MINDY2: variants seen among roughly 807,000 people sequenced by gnomAD.
MINDY2 encodes the protein MINDY lysine 48 deubiquitinase 2.
Under a neutral mutation model 68.2 loss-of-function variants are expected in MINDY2, and 52 were observed. That is an observed-to-expected ratio of 0.76 (90% confidence interval 0.61 to 0.96). The LOEUF is 0.96. Among genes scored for constraint, MINDY2 ranks in the 40% least tolerant of loss-of-function variants. The pLI, the probability that MINDY2 is intolerant of heterozygous loss-of-function variation, is 0.00. For missense variants in MINDY2, 881 were observed against 773.4 expected, an observed-to-expected ratio of 1.14 and a Z score of -1.65; for synonymous variants, 372 against 303.0, an observed-to-expected ratio of 1.23 and a Z score of -2.36.
At chr15:58,823,723 A>T (rs618684) in intron 5 of MINDY2, among the ~76,000 whole-genome samples, 10 of 151,808 alleles carry the variant, frequency 6.6e-5, no homozygotes, top group African/African-American at 2.4e-4. Context: ...TCATTGATTC[A>T]TCTGACAACT....
intron 1 of MINDY2, among the ~76,000 whole-genome samples, chr15:58,782,911 GTTTTTTTTTTT>G (rs1157376592): frequency 1.1e-4 from 7 of 64,496 alleles, no homozygotes; most frequent in East Asian, 8.1e-4. Context: ...TTTTCTCTCT[GTTTTTTTTTTT>G]TTTTTTTTTT....
intron 2 of MINDY2, among the ~76,000 whole-genome samples, chr15:58,800,302 C>T (rs1299952032): frequency 1.3e-5 from 2 of 152,100 alleles, no homozygotes; most frequent in African/African-American, 4.8e-5. Flanking sequence ...ACCTGATTTA[C>T]CTGCAAACTG....
At chr15:58,829,685 T>C (rs982611467) in intron 5 of MINDY2, among the ~76,000 whole-genome samples, 14 of 152,174 alleles carry the variant, frequency 9.2e-5, no homozygotes, top group Non-Finnish European at 1.6e-4. Flanking sequence ...CAGACGGCAG[T>C]GGTACTTTTC....
At chr15:58,827,829 T>A (rs1234241291) in intron 5 of MINDY2, among the ~76,000 whole-genome samples, 1 of 152,222 alleles carries the variant, frequency 6.6e-6, no homozygotes, top group African/African-American at 2.4e-5. Context: ...GCCAGTGGGA[T>A]GCCCTCAAGT....
intron 6 of MINDY2, among the ~76,000 whole-genome samples, chr15:58,845,493 G>A (rs2032486649): frequency 6.6e-6 from 1 of 152,176 alleles, no homozygotes; most frequent in South Asian, 2.1e-4. Flanking sequence ...TCAAAACTAT[G>A]AGATATCATC....
At chr15:58,783,353 A>C (rs1383169648) in intron 1 of MINDY2, among the ~76,000 whole-genome samples, 1 of 152,176 alleles carries the variant, frequency 6.6e-6, no homozygotes, top group Non-Finnish European at 1.5e-5. Context: ...TTGGTATTCT[A>C]ATTGTTAAGC....
chr15:58,833,566 G>T (rs2031848201), intron 6 of MINDY2, among the ~76,000 whole-genome samples: 1 of 152,184 alleles, frequency 6.6e-6, no homozygotes, highest in Non-Finnish European at 1.5e-5. Flanking sequence ...TAATAGTGCA[G>T]AGAAGGTCAG....
intron 7 of MINDY2, among the ~76,000 whole-genome samples, chr15:58,850,991 C>T (rs1193004466): frequency 2.0e-5 from 3 of 149,746 alleles, no homozygotes; most frequent in African/African-American, 7.4e-5. Flanking sequence ...GTTTTTTTTT[C>T]ACGACTGAGT....
In MINDY2 at chr15:58,808,338, G is replaced by C. The variant is rs528617938; in HGVS notation, c.964-1892G>C. On this transcript the variant is annotated intron_variant, in intron 3 of 8. Transcript: ENST00000559228. ...CAGTATCATACAGAATAGTTTCACT[G>C]TCCTAAAAGTTCTCTGTACTCTGCC... 6.6e-5 allele frequency among the ~76,000 whole-genome samples: 10 copies of C among 152,174 alleles called. No individual in the cohort carries two copies. The East Asian group carries it at 1.9e-3, about 29-fold the overall frequency.
chr15:58,772,009 A>G lies in MINDY2; in HGVS notation c.614A>G (p.Glu205Gly). 1 of 1,594,794 alleles carries G rather than the reference A, an allele frequency of 6.3e-7. No homozygotes were observed. Among genetic ancestry groups the G allele is most frequent in the Admixed American group, 1.7e-5 (1 of 57,350 alleles). The change falls in exon 1 of 9, where the codon GAG (glutamate) becomes GGG (glycine). Residue 205 changes from glutamate (E) to glycine (G), a missense_variant. Coordinates refer to ENST00000559228, the MANE Select transcript of MINDY2 (RefSeq NM_001040450.3). ...GCGGAGAACAGGGTCCCTGAGGAGG[A>G]GGAGGGCGCGGCGGTGTTGCCCGGG... ...EGAENRVPEE[E>G]EGAAVLPGAV... is the part of the protein sequence containing the mutation.
At chr15:58,837,568 A>C (rs1390439503) in intron 6 of MINDY2, among the ~76,000 whole-genome samples, 1 of 150,982 alleles carries the variant, frequency 6.6e-6, no homozygotes, top group African/African-American at 2.4e-5. Flanking sequence ...AACCTTTTTT[A>C]AACAAACTAT....
At chr15:58,802,934 C>T (rs904746353) in intron 3 of MINDY2, among the ~76,000 whole-genome samples, 2 of 152,140 alleles carry the variant, frequency 1.3e-5, no homozygotes, top group Admixed American at 1.3e-4. Context: ...TCATTTTCTT[C>T]AGTATTCTTC....
chr15:58,826,764 T>C (rs1233967702), intron 5 of MINDY2, among the ~76,000 whole-genome samples: 1 of 152,216 alleles, frequency 6.6e-6, no homozygotes, highest in African/African-American at 2.4e-5. Flanking sequence ...TTTTAATTTT[T>C]TTCAATGGAG....
At chr15:58,817,056 C>T (rs962612627) in intron 4 of MINDY2, among the ~76,000 whole-genome samples, 3 of 152,002 alleles carry the variant, frequency 2.0e-5, no homozygotes, top group Admixed American at 6.6e-5. Context: ...CATCACTGTA[C>T]GGAGGGATTT....
chr15:58,832,929 C>T (rs2031811082), intron 6 of MINDY2, among the ~76,000 whole-genome samples: 1 of 152,192 alleles, frequency 6.6e-6, no homozygotes, highest in African/African-American at 2.4e-5. Context: ...CTTTATGATA[C>T]TGTTTGCTAT....
At chr15:58,828,683 C>A (rs555902990) in intron 5 of MINDY2, among the ~76,000 whole-genome samples, 151 of 150,170 alleles carry the variant, frequency 1.0e-3, no homozygotes, top group African/African-American at 3.5e-3. Context: ...GCCTCAGCCT[C>A]CCGGGTAGCT....
intron 1 of MINDY2, among the ~76,000 whole-genome samples, chr15:58,775,756 A>G (rs138910104): frequency 1.3e-5 from 2 of 152,320 alleles, no homozygotes; most frequent in East Asian, 1.9e-4. Flanking sequence ...GTTGATGCCA[A>G]AGTTTGGTTG....
chr15:58,823,987 A>T (rs2031237180), intron 5 of MINDY2, among the ~76,000 whole-genome samples: 1 of 152,212 alleles, frequency 6.6e-6, no homozygotes, highest in Non-Finnish European at 1.5e-5. Flanking sequence ...AATGTCCAAT[A>T]TACCAGAGTA....
At chr15:58,841,995 G>T (rs1175517464) in intron 6 of MINDY2, among the ~76,000 whole-genome samples, 6 of 150,830 alleles carry the variant, frequency 4.0e-5, no homozygotes, top group African/African-American at 1.5e-4. Flanking sequence ...CATTTTTATG[G>T]CCCTCCTTCA....
Sources: gnomAD v4.1 joint callset for allele counts (sites outside exome capture counted in the v4.1 genomes callset) on GRCh38, gnomAD v4.1.1 for gene constraint, MANE v1.5 for transcripts, NCBI Gene and HGNC (gene_info 2026-07-23, HGNC 2026-07-21) for gene names.